Variants in PTPRK observed in about 807,000 individuals in gnomAD.
PTPRK encodes the protein protein tyrosine phosphatase receptor type K.
Under a neutral mutation model 178.0 loss-of-function variants are expected in PTPRK, and 75 were observed. The observed-to-expected ratio is 0.42, with a 90% CI of 0.35 to 0.51. The LOEUF (loss-of-function observed/expected upper bound fraction) is 0.51, where lower values mean the gene tolerates loss of function less well. Ranked by LOEUF, PTPRK falls within the 20% of genes least tolerant of loss-of-function variation. The pLI, the probability that PTPRK is intolerant of heterozygous loss-of-function variation, is 0.02. For missense variants in PTPRK, 1,441 were observed against 1,797.8 expected (o/e 0.80, Z 3.59); for synonymous variants, 637 against 620.6 (o/e 1.03, Z -0.39).
chr6:128,300,582 T>C (rs1273059556), intron 3 of PTPRK, among the ~76,000 whole-genome samples: 1 of 151,612 alleles, frequency 6.6e-6, no homozygotes, highest in African/African-American at 2.4e-5. Flanking sequence ...AAATTGGAAA[T>C]CATCATTCTC....
At chr6:128,138,018 A>G (rs1795258551) in intron 7 of PTPRK, among the ~76,000 whole-genome samples, 2 of 152,196 alleles carry the variant, frequency 1.3e-5, no homozygotes, top group Non-Finnish European at 2.9e-5. Flanking sequence ...TATTTGACTT[A>G]CAAAATATAC....
At chr6:128,167,670 G>A (rs1799614248) in intron 7 of PTPRK, among the ~76,000 whole-genome samples, 1 of 152,108 alleles carries the variant, frequency 6.6e-6, no homozygotes, top group Admixed American at 6.6e-5. Flanking sequence ...TCCAACCACA[G>A]TAAGGTTCCC....
At chr6:127,990,734 T>C (rs777922751) in intron 21 of PTPRK, 35 bp downstream of exon 21, 18 of 1,386,380 alleles carry the variant, frequency 1.3e-5, no homozygotes, top group Non-Finnish European at 1.5e-5. Context: ...GCAGTTTTGA[T>C]ATCACTTTTT....
At chr6:128,276,542 T>C (rs1461026039) in intron 3 of PTPRK, among the ~76,000 whole-genome samples, 6 of 152,042 alleles carry the variant, frequency 3.9e-5, no homozygotes, top group Non-Finnish European at 8.8e-5. Flanking sequence ...ACCATAAACA[T>C]TTATATATTT....
intron 7 of PTPRK, among the ~76,000 whole-genome samples, chr6:128,105,590 C>G (rs1339082360): frequency 6.6e-6 from 1 of 152,172 alleles, no homozygotes; most frequent in Non-Finnish European, 1.5e-5. Flanking sequence ...AAGAAAATTA[C>G]TGAAATCAAT....
chr6:128,462,625 TTTTATTTATTTATTTATTTA>T lies in PTPRK; in HGVS notation c.100+57614_100+57633del, dbSNP rs201968289. 2.5e-3 allele frequency among the ~76,000 whole-genome samples: 355 copies of T among 143,010 alleles called. 3 individuals are homozygous for T. The highest frequency in any genetic ancestry group is 8.6e-3 in the African/African-American group (327 of 38,070). 93.8% of individuals were successfully genotyped at this position (143,010 alleles called of 152,430 possible). A position where few individuals can be genotyped will look rare whatever the true frequency, so the allele number is the denominator to read the frequency against. The stretch of plus-strand genomic sequence containing the variant: ...GCTATCTGGGAAAAAAGTAGGTATA[TTTTATTTATTTATTTATTTA>T]TTTATTTATTTATTTATTTATTTAT... On this transcript the variant is annotated intron_variant, in intron 1 of 29. Transcript: ENST00000368226.
chr6:128,197,823 A>G (rs1199522249), intron 6 of PTPRK, among the ~76,000 whole-genome samples: 1 of 152,110 alleles, frequency 6.6e-6, no homozygotes, highest in Non-Finnish European at 1.5e-5. Context: ...AATGCGCTAC[A>G]AATTCTCTGA....
intron 1 of PTPRK, among the ~76,000 whole-genome samples, chr6:128,506,425 G>A (rs1856351482): frequency 6.6e-6 from 1 of 152,020 alleles, no homozygotes; most frequent in African/African-American, 2.4e-5. Flanking sequence ...AACCTACCTA[G>A]AGAATTTTAA....
intron 7 of PTPRK, among the ~76,000 whole-genome samples, chr6:128,143,058 A>G (rs1263628783): frequency 6.6e-6 from 1 of 152,104 alleles, no homozygotes; most frequent in Non-Finnish European, 1.5e-5. Flanking sequence ...TCTAAAATTG[A>G]TTGGTCCTGA....
intron 7 of PTPRK, among the ~76,000 whole-genome samples, chr6:128,147,597 A>G (rs1213551740): frequency 6.6e-6 from 1 of 152,202 alleles, no homozygotes; most frequent in African/African-American, 2.4e-5. Context: ...AGTGTTTTCA[A>G]TACTCATACA....
At chr6:128,313,472 G>C (rs1827546744) in intron 3 of PTPRK, among the ~76,000 whole-genome samples, 2 of 152,166 alleles carry the variant, frequency 1.3e-5, no homozygotes, top group African/African-American at 4.8e-5. Context: ...ACTGAGTGCA[G>C]AGGTATTAAG....
rs116914461 is a variant in PTPRK, at chr6:128,394,328, A to T, written c.223+3238T>A. On this transcript the variant is annotated intron_variant, in intron 2 of 29. Transcript: ENST00000368226. Reference sequence around the variant, plus strand: ...ACTATTATGAATGCTGATGCTATCAACATTCTTGCACATGTCTTTTGGTGA... The same window carrying T: ...ACTATTATGAATGCTGATGCTATCATCATTCTTGCACATGTCTTTTGGTGA... 3.7e-3 allele frequency among the ~76,000 whole-genome samples: 570 copies of T among 152,200 alleles called. 1 individual carries two copies. The highest frequency in any genetic ancestry group is 3.8e-3 in the Non-Finnish European group (257 of 68,006).
chr6:128,394,380 T>G (rs1164028281), intron 2 of PTPRK, among the ~76,000 whole-genome samples: 2 of 152,236 alleles, frequency 1.3e-5, no homozygotes, highest in African/African-American at 4.8e-5. Context: ...CTGCTGGGCT[T>G]ATACCCAAGA....
At chr6:128,104,327 C>T (rs889969891) in intron 7 of PTPRK, among the ~76,000 whole-genome samples, 18 of 152,148 alleles carry the variant, frequency 1.2e-4, no homozygotes, top group African/African-American at 4.1e-4. Context: ...CCCAGGTTCT[C>T]GCCATTCTCC....
At position 128,067,652 on chromosome 6, in the gene PTPRK, G is replaced by A; in HGVS notation, c.2024C>T (p.Pro675Leu). Reference protein sequence around the residue: ...GAPYYFAAELPPGNLPEPAPF... With the variant: ...GAPYYFAAELLPGNLPEPAPF... ...GGCAGGCTCAGGTAGGTTTCCCGGG[G>A]GGAGTTCTGCAGCAAAGTAATACGG... The change falls in exon 12 of 30, where the codon CCC becomes CTC. Residue 675 changes from proline to leucine, a missense_variant. Physicochemically the swap from Pro to Leu is moderately conservative, Grantham distance 98 (BLOSUM62 -3). Around this residue, in one of 4 missense-constraint regions of PTPRK, gnomAD observed 945 missense variants for 1,080.6 expected, o/e 0.87. Coordinates refer to ENST00000368226, the MANE Select transcript of PTPRK (RefSeq NM_002844.4). The A allele has an allele frequency of 6.2e-7, 1 of 1,613,744 alleles. No homozygotes were observed. Among genetic ancestry groups the A allele is most frequent in the South Asian group, 1.1e-5 (1 of 91,062 alleles).
intron 1 of PTPRK, among the ~76,000 whole-genome samples, 180 bp from the exon 2 acceptor site, chr6:128,397,868 A>C (rs750150533): frequency 6.6e-6 from 1 of 152,230 alleles, no homozygotes; most frequent in African/African-American, 2.4e-5. Context: ...GTCTATCAGT[A>C]CTTTCTGTTT....
intron 7 of PTPRK, among the ~76,000 whole-genome samples, chr6:128,173,523 G>T (rs770388649): frequency 2.4e-4 from 37 of 152,048 alleles, no homozygotes; most frequent in Non-Finnish European, 4.7e-4. Context: ...CCTGCTGTCT[G>T]CCCTCTCTAT....
At chr6:128,191,511 G>GTATAATATAATA (rs1161917495) in intron 6 of PTPRK, among the ~76,000 whole-genome samples, 28 of 151,818 alleles carry the variant, frequency 1.8e-4, no homozygotes, top group African/African-American at 6.8e-4. Flanking sequence ...TATAATATAG[G>GTATAATATAATA]TAAGTATAAT....
intron 7 of PTPRK, among the ~76,000 whole-genome samples, chr6:128,113,104 A>C (rs886743648): frequency 6.6e-6 from 1 of 152,100 alleles, no homozygotes; most frequent in Non-Finnish European, 1.5e-5. Context: ...GGAATGACAT[A>C]GCCTCCTAAC....
Sources: allele counts gnomAD v4.1 joint callset (sites outside exome capture counted in the v4.1 genomes callset), GRCh38; gene constraint gnomAD v4.1.1; regional missense constraint gnomAD v4.1.1; transcripts MANE v1.5; gene names NCBI Gene and HGNC (gene_info 2026-07-23, HGNC 2026-07-21).